Variants in CTNNA2 observed in about 807,000 individuals in gnomAD.
CTNNA2 encodes catenin alpha-2.
A neutral mutation model predicts 101.0 loss-of-function variants in CTNNA2; 42 were observed. The observed-to-expected ratio is 0.42, with a 90% CI of 0.32 to 0.54. The LOEUF (loss-of-function observed/expected upper bound fraction) is 0.54. Among genes scored for constraint, CTNNA2 ranks in the 20% least tolerant of loss-of-function variants. The probability of loss-of-function intolerance (pLI) is 0.14; values close to 1 mark genes in which losing one functional copy is unlikely to be tolerated. For missense variants in CTNNA2, 871 were observed against 1,223.1 expected (o/e 0.71, Z 4.29); for synonymous variants, 450 against 456.4 (o/e 0.99, Z 0.18).
intron 7 of CTNNA2, among the ~76,000 whole-genome samples, chr2:80,070,436 T>C (rs569508192): frequency 6.6e-6 from 1 of 152,150 alleles, no homozygotes; most frequent in South Asian, 2.1e-4. Context: ...AAGTTCAAAT[T>C]GGGCCTCACA....
chr2:79,819,530 C>A (rs1677844353), intron 3 of CTNNA2, among the ~76,000 whole-genome samples: 1 of 152,144 alleles, frequency 6.6e-6, no homozygotes, highest in African/African-American at 2.4e-5. Context: ...GTGTGAGTCT[C>A]TCAGGTACTT....
chr2:79,279,503 G>T (rs1253381502), intron 2 of CTNNA2, among the ~76,000 whole-genome samples: 3 of 152,060 alleles, frequency 2.0e-5, no homozygotes, highest in Non-Finnish European at 4.4e-5. Flanking sequence ...CTGACACAAA[G>T]GCACAGGATG....
intron 18 of CTNNA2, 149 bp downstream of exon 18, chr2:80,619,377 T>G (rs561114711): frequency 1.0e-4 from 82 of 818,490 alleles, no homozygotes; most frequent in Non-Finnish European, 1.3e-4. Flanking sequence ...ATTTATTCTT[T>G]ATGTGGGTCA....
intron 3 of CTNNA2, among the ~76,000 whole-genome samples, chr2:79,805,975 A>G (rs946115644): frequency 1.3e-5 from 2 of 152,082 alleles, no homozygotes; most frequent in East Asian, 3.9e-4. Context: ...AAAAGAAAGA[A>G]TAGCCTATAA....
At chr2:80,545,117 TC>T in intron 10 of CTNNA2, 43 bp downstream of exon 10, 1 of 1,585,232 alleles carries the variant, frequency 6.3e-7, no homozygotes. Flanking sequence ...TCAGTGACCT[TC>T]TCCACTCCAG....
At chr2:80,039,667 A>T (rs10170833) in intron 7 of CTNNA2, among the ~76,000 whole-genome samples, 32,204 of 152,094 alleles carry the variant, frequency 0.21, 3,874 homozygotes, top group Non-Finnish European at 0.27. Flanking sequence ...GAGTCTCCCA[A>T]CCCATCTCTT....
intron 9 of CTNNA2, among the ~76,000 whole-genome samples, chr2:80,421,239 T>C: frequency 6.6e-6 from 1 of 152,302 alleles, no homozygotes; most frequent in Middle Eastern, 3.4e-3. Context: ...AAATATACCA[T>C]CCCATCTGTA....
intron 7 of CTNNA2, among the ~76,000 whole-genome samples, chr2:80,360,982 A>G (rs1382293463): frequency 6.6e-6 from 1 of 152,026 alleles, no homozygotes. Flanking sequence ...ATGATTTTCC[A>G]GAACCTGATT....
chr2:80,627,074 A>T (rs1573499736), intron 18 of CTNNA2, among the ~76,000 whole-genome samples: 1 of 152,190 alleles, frequency 6.6e-6, no homozygotes. Flanking sequence ...ATAGTATTCC[A>T]TGGTGTATAT....
In CTNNA2 at chr2:79,298,311, A is replaced by T. The variant is rs72818625; in HGVS notation, c.-405-14398A>T. On this transcript the variant is annotated intron_variant, in intron 2 of 21. Coordinates refer to the CTNNA2 transcript ENST00000466387. ...ATCTCTCAGGAACGAATAGAGAAAG[A>T]GTTCATTTATTACTGCAAGGCAGCA... Among the ~76,000 whole-genome samples the T allele has an allele frequency of 5.3e-3, 803 of 152,250 alleles. 2 individuals are homozygous for T. Among genetic ancestry groups the T allele is most frequent in the Non-Finnish European group, 8.4e-3 (574 of 68,026 alleles).
chr2:79,384,721 T>C (rs1305230623), intron 4 of CTNNA2, among the ~76,000 whole-genome samples: 1 of 152,266 alleles, frequency 6.6e-6, no homozygotes, highest in Non-Finnish European at 1.5e-5. Context: ...TTGCATTAAC[T>C]AACCCTTTTG....
chr2:79,559,596 A>G (rs1340624253), intron 1 of CTNNA2, among the ~76,000 whole-genome samples: 2 of 151,980 alleles, frequency 1.3e-5, no homozygotes, highest in Non-Finnish European at 2.9e-5. Flanking sequence ...TAAAACTGTG[A>G]AGATGGTGAT....
intron 1 of CTNNA2, among the ~76,000 whole-genome samples, chr2:79,533,504 A>C (rs778580132): frequency 1.3e-5 from 2 of 152,144 alleles, no homozygotes; most frequent in Non-Finnish European, 2.9e-5. Flanking sequence ...CTTAGAAAAA[A>C]ACACACTGAG....
chr2:79,304,586 C>T (rs191780823), intron 2 of CTNNA2, among the ~76,000 whole-genome samples: 15 of 152,290 alleles, frequency 9.8e-5, no homozygotes, highest in Non-Finnish European at 1.9e-4. Context: ...AAGGATTAAG[C>T]GTACCTCATA....
chr2:80,428,080 A>G (rs1321621693), intron 9 of CTNNA2, among the ~76,000 whole-genome samples: 3 of 152,226 alleles, frequency 2.0e-5, no homozygotes, highest in Non-Finnish European at 4.4e-5. Flanking sequence ...ATGTGAAGGG[A>G]GTGGAAGAAC....
intron 9 of CTNNA2, among the ~76,000 whole-genome samples, chr2:80,510,875 A>G (rs1688651944): frequency 6.6e-6 from 1 of 152,158 alleles, no homozygotes; most frequent in South Asian, 2.1e-4. Context: ...CTCTGTATCC[A>G]TAGCAGAAGA....
At chr2:80,540,144 C>A (rs976898791) in intron 9 of CTNNA2, among the ~76,000 whole-genome samples, 5 of 152,188 alleles carry the variant, frequency 3.3e-5, no homozygotes, top group Admixed American at 6.5e-5. Flanking sequence ...TTCCAGTCCA[C>A]CATTCCTTTC....
At chr2:80,289,866 C>T (rs1055168410) in intron 7 of CTNNA2, among the ~76,000 whole-genome samples, 7 of 152,144 alleles carry the variant, frequency 4.6e-5, no homozygotes, top group East Asian at 1.9e-4. Flanking sequence ...CTCCCTGCTA[C>T]GGATGATGGA....
rs76895534 is a variant in CTNNA2 at position 79,199,482 on chromosome 2, T to C, written c.-406+1406T>C. Among the ~76,000 whole-genome samples the C allele has an allele frequency of 4.0e-4, 61 of 152,318 alleles. No individual in the cohort carries two copies. The East Asian group carries it at 0.011, about 28-fold the overall frequency. ...TCTAGGAAAGCATTTGTTTTCCTTA[T>C]TAAAAAAACAGTAATTAACAACTGA... On this transcript the variant is annotated intron_variant, in intron 2 of 21. Coordinates refer to the CTNNA2 transcript ENST00000466387.
Sources: allele counts gnomAD v4.1 joint callset (sites outside exome capture counted in the v4.1 genomes callset), GRCh38; gene constraint gnomAD v4.1.1; transcripts MANE v1.5; gene names NCBI Gene and HGNC (gene_info 2026-07-23, HGNC 2026-07-21).